NOL4: variants seen among roughly 807,000 people sequenced by gnomAD.
The protein encoded by NOL4 is nucleolar protein 4, also known as cancer/testis antigen 125.
NOL4 carries 17 observed loss-of-function variants against 75.9 expected under a neutral mutation model. That is an observed-to-expected ratio of 0.22 (90% CI 0.15 to 0.34). The LOEUF is 0.34. NOL4 is among the 10% of genes least tolerant of loss of function. NOL4 has a pLI of 1.00. For missense variants in NOL4, 614 were observed against 793.5 expected (o/e 0.77, Z 2.72); for synonymous variants, 292 against 289.9 (o/e 1.01, Z -0.07).
At chr18:33,863,614 A>G (rs1599665513) in intron 10 of NOL4, among the ~76,000 whole-genome samples, 1 of 152,184 alleles carries the variant, frequency 6.6e-6, no homozygotes, top group Non-Finnish European at 1.5e-5. Context: ...CATCCAGGGC[A>G]TGCTGATGCA....
chr18:33,883,508 T>A, intron 9 of NOL4, 84 bp from the exon 10 acceptor site: 1 of 1,007,406 alleles, frequency 9.9e-7, no homozygotes, highest in Non-Finnish European at 1.4e-6. Context: ...GTTATCTAAA[T>A]ACCTGCATTG....
At chr18:33,993,890 T>G (rs762049898) in intron 6 of NOL4, among the ~76,000 whole-genome samples, 15 of 151,416 alleles carry the variant, frequency 9.9e-5, no homozygotes, top group Middle Eastern at 3.2e-3. Flanking sequence ...AAACACAAAA[T>G]ACAACTTTTT....
At chr18:34,211,756 G>A (rs970173285) in intron 1 of NOL4, among the ~76,000 whole-genome samples, 1 of 152,028 alleles carries the variant, frequency 6.6e-6, no homozygotes, top group East Asian at 1.9e-4. Context: ...GAACATAAGA[G>A]GCTATTGAAT....
intron 5 of NOL4, among the ~76,000 whole-genome samples, chr18:34,076,841 T>C (rs2077765837): frequency 6.6e-6 from 1 of 152,198 alleles, no homozygotes; most frequent in African/African-American, 2.4e-5. Flanking sequence ...CTAGTAACAT[T>C]TATAATAAAG....
intron 6 of NOL4, among the ~76,000 whole-genome samples, chr18:33,970,026 A>G (rs899129525): frequency 5.3e-5 from 8 of 152,162 alleles, no homozygotes; most frequent in African/African-American, 1.9e-4. Flanking sequence ...AAAACAAGTT[A>G]CTGGACCCAT....
chr18:33,904,761 A>T (rs923669264), intron 9 of NOL4, among the ~76,000 whole-genome samples: 1 of 152,130 alleles, frequency 6.6e-6, no homozygotes, highest in Non-Finnish European at 1.5e-5. Context: ...GTCCCAGTAC[A>T]ATTGATAGTG....
At chr18:34,168,687 T>G (rs981020292) in intron 1 of NOL4, among the ~76,000 whole-genome samples, 4 of 151,766 alleles carry the variant, frequency 2.6e-5, no homozygotes, top group Non-Finnish European at 5.9e-5. Flanking sequence ...CAAAAGATTT[T>G]AATTCACTAC....
intron 5 of NOL4, among the ~76,000 whole-genome samples, chr18:34,041,605 C>G (rs1183869805): frequency 1.3e-5 from 2 of 151,852 alleles, no homozygotes; most frequent in Admixed American, 6.6e-5. Flanking sequence ...CATTCTTTAA[C>G]AAAGCCCTGG....
At chr18:33,976,523 T>TA (rs1284632596) in intron 6 of NOL4, among the ~76,000 whole-genome samples, 1 of 152,192 alleles carries the variant, frequency 6.6e-6, no homozygotes, top group Non-Finnish European at 1.5e-5. Context: ...CATCTTTTGA[T>TA]ACCTCAGTTT....
At chr18:33,899,857 C>T (rs2144962346) in intron 9 of NOL4, among the ~76,000 whole-genome samples, 1 of 152,040 alleles carries the variant, frequency 6.6e-6, no homozygotes, top group East Asian at 1.9e-4. Context: ...GGGCCCTGGG[C>T]TATATGTTTT....
intron 1 of NOL4, among the ~76,000 whole-genome samples, chr18:34,217,612 G>C (rs1213395980): frequency 6.6e-6 from 1 of 151,988 alleles, no homozygotes; most frequent in African/African-American, 2.4e-5. Flanking sequence ...GTGTTGCAAT[G>C]TGATTTTGAG....
intron 1 of NOL4, among the ~76,000 whole-genome samples, chr18:34,145,018 C>T (rs1442425255): frequency 6.6e-6 from 1 of 152,088 alleles, no homozygotes; most frequent in Non-Finnish European, 1.5e-5. Context: ...AACTCCTATT[C>T]TCCACAGGCC....
intron 1 of NOL4, among the ~76,000 whole-genome samples, chr18:34,170,178 A>ATT (rs201918434): frequency 0.045 from 6,396 of 141,196 alleles, 226 homozygotes; most frequent in African/African-American, 0.097. Context: ...TTTAAGAACT[A>ATT]TTTTTTTTTT....
At chr18:34,187,254 C>T (rs901828625) in intron 1 of NOL4, among the ~76,000 whole-genome samples, 4 of 152,000 alleles carry the variant, frequency 2.6e-5, no homozygotes, top group African/African-American at 9.7e-5. Context: ...TTGCTTTTTC[C>T]AGAGTGTCAG....
chr18:33,966,121 AT>A (rs1452935641), intron 6 of NOL4, among the ~76,000 whole-genome samples: 1 of 152,150 alleles, frequency 6.6e-6, no homozygotes, highest in East Asian at 1.9e-4. Context: ...TGTTTAGAGC[AT>A]TGTTTTAGGT....
At chr18:33,947,034 T>C (rs543728667) in intron 8 of NOL4, among the ~76,000 whole-genome samples, 22 of 151,816 alleles carry the variant, frequency 1.4e-4, no homozygotes, top group African/African-American at 5.3e-4. Context: ...TACTCTCCAA[T>C]ACACACAGGG....
chr18:33,946,015 T>C (rs2068809102), intron 8 of NOL4, among the ~76,000 whole-genome samples: 1 of 151,730 alleles, frequency 6.6e-6, no homozygotes. Flanking sequence ...TACTTTGTCA[T>C]TAATAAAACA....
At chr18:34,165,659 A>C (rs945164341) in intron 1 of NOL4, among the ~76,000 whole-genome samples, 2 of 152,188 alleles carry the variant, frequency 1.3e-5, no homozygotes, top group African/African-American at 2.4e-5. Flanking sequence ...TGTACACTAG[A>C]ATTAAGGAGA....
chr18:33,969,758 C>CAAAAAA (rs5823932), intron 6 of NOL4, among the ~76,000 whole-genome samples: 2 of 140,902 alleles, frequency 1.4e-5, no homozygotes, highest in Non-Finnish European at 3.1e-5. Flanking sequence ...AGTGCTTGTC[C>CAAAAAA]AAAAAAAAAA....
Sources: gnomAD v4.1 joint callset for allele counts (sites outside exome capture counted in the v4.1 genomes callset) on GRCh38, gnomAD v4.1.1 for gene constraint, MANE v1.5 for transcripts, NCBI Gene and HGNC (gene_info 2026-07-23, HGNC 2026-07-21) for gene names.